AP3B1: variants seen among roughly 807,000 people sequenced by gnomAD.
The protein encoded by AP3B1 is adaptor related protein complex 3 subunit beta 1, also known as AP-3 complex subunit beta-1.
AP3B1 carries 61 observed loss-of-function variants against 132.5 expected under a neutral mutation model. The ratio of observed to expected loss-of-function variants is 0.46; its 90% CI spans 0.37 to 0.57. The LOEUF is 0.57. AP3B1 is among the 20% of genes least tolerant of loss of function. AP3B1 has a pLI of 0.00. For missense variants in AP3B1, 1,120 were observed against 1,289.4 expected (o/e 0.87, Z 2.01); for synonymous variants, 388 against 438.3 (o/e 0.89, Z 1.43).
chr5:78,188,606 G>A (rs1744699722), intron 7 of AP3B1, among the ~76,000 whole-genome samples: 1 of 152,108 alleles, frequency 6.6e-6, no homozygotes, highest in Non-Finnish European at 1.5e-5. Context: ...CGGAGAAATA[G>A]GAATGCTTTT....
At chr5:78,160,487 G>C (rs1166638458) in intron 13 of AP3B1, among the ~76,000 whole-genome samples, 2 of 152,052 alleles carry the variant, frequency 1.3e-5, no homozygotes, top group African/African-American at 2.4e-5. Context: ...CTTCAAGTCT[G>C]CTTAGAAAGG....
chr5:78,267,537 T>C lies in AP3B1; in HGVS notation c.187A>G (p.Met63Val). ...TTACCTACCCCAACAATCCGCTTCA[T>C]AGCATCCAGTTTAGCAGAATCTTTG... is the stretch of plus-strand genomic sequence containing the variant. ...SNKDSAKLDA[M>V]KRIVGMIAKG... Residue 63 changes from methionine to valine, a missense_variant, in exon 2 of 27, where the codon ATG becomes GTG. Coordinates refer to ENST00000255194, the MANE Select transcript of AP3B1 (RefSeq NM_003664.5). The C allele has an allele frequency of 1.2e-6, 2 of 1,611,388 alleles. No homozygotes were observed. The highest frequency in any genetic ancestry group is 1.7e-6 in the Non-Finnish European group (2 of 1,178,350).
intron 14 of AP3B1, among the ~76,000 whole-genome samples, chr5:78,143,029 A>T (rs1753219758): frequency 6.6e-6 from 1 of 152,172 alleles, no homozygotes; most frequent in Non-Finnish European, 1.5e-5. Flanking sequence ...CCATAATGAA[A>T]GGTAGTTCTA....
intron 1 of AP3B1, among the ~76,000 whole-genome samples, chr5:78,271,736 C>CA (rs1440557223): frequency 6.6e-6 from 1 of 152,204 alleles, no homozygotes; most frequent in East Asian, 1.9e-4. Flanking sequence ...TCCTGCCCTA[C>CA]AAACCATAAA....
At chr5:78,161,727 T>C (rs1743395602) in intron 13 of AP3B1, among the ~76,000 whole-genome samples, 1 of 152,040 alleles carries the variant, frequency 6.6e-6, no homozygotes, top group Admixed American at 6.6e-5. Context: ...TAGAAAAATC[T>C]TCAGTCATAG....
chr5:78,124,923 T>C (rs1752396594), intron 17 of AP3B1, among the ~76,000 whole-genome samples: 1 of 152,150 alleles, frequency 6.6e-6, no homozygotes, highest in Admixed American at 6.5e-5. Context: ...GACATGGCCA[T>C]GAATTCTATG....
intron 3 of AP3B1, among the ~76,000 whole-genome samples, chr5:78,237,120 T>C (rs1247535907): frequency 5.3e-5 from 8 of 152,204 alleles, no homozygotes; most frequent in Non-Finnish European, 1.2e-4. Context: ...TCCAACTTAG[T>C]CTAATTGAGT....
chr5:78,053,346 A>G (rs1249340906), intron 22 of AP3B1, among the ~76,000 whole-genome samples: 1 of 152,172 alleles, frequency 6.6e-6, no homozygotes, highest in South Asian at 2.1e-4. Flanking sequence ...ACAGCATTAT[A>G]TATTTATTGA....
At chr5:78,186,494 T>C (rs973702310) in intron 7 of AP3B1, among the ~76,000 whole-genome samples, 1 of 152,202 alleles carries the variant, frequency 6.6e-6, no homozygotes, top group African/African-American at 2.4e-5. Context: ...GAAGATTCCC[T>C]GTGATGGAAA....
intron 22 of AP3B1, among the ~76,000 whole-genome samples, chr5:78,053,307 T>C (rs1265394067): frequency 6.6e-6 from 1 of 152,178 alleles, no homozygotes; most frequent in East Asian, 1.9e-4. Flanking sequence ...ACACTGAAAA[T>C]ACTTTTAAAT....
At chr5:78,171,695 T>C (rs1426384875) in intron 11 of AP3B1, among the ~76,000 whole-genome samples, 1 of 152,220 alleles carries the variant, frequency 6.6e-6, no homozygotes, top group Non-Finnish European at 1.5e-5. Flanking sequence ...CAGGGACAAT[T>C]TGACTTCCTC....
At chr5:78,172,038 C>A (rs1441347988) in intron 11 of AP3B1, among the ~76,000 whole-genome samples, 1 of 152,142 alleles carries the variant, frequency 6.6e-6, no homozygotes, top group East Asian at 1.9e-4. Flanking sequence ...TGATAGATTA[C>A]ATTTATTGAT....
At position 78,082,128 on chromosome 5, in the gene AP3B1, G is replaced by T. The variant is rs544172270; in HGVS notation, c.2577+7265C>A. Among the ~76,000 whole-genome samples the T allele has an allele frequency of 1.3e-3, 192 of 152,216 alleles. 2 individuals are homozygous for T. The highest frequency in any genetic ancestry group is 5.8e-4 in the African/African-American group (24 of 41,532). ...TTCACTGAGTCGCTTTTCCTGCATAGTTCTAGTATCCAATTTGAGGGCGGG... is the reference window on the plus strand; with the variant it reads ...TTCACTGAGTCGCTTTTCCTGCATATTTCTAGTATCCAATTTGAGGGCGGG... On this transcript the variant is annotated intron_variant, in intron 22 of 26. Coordinates refer to ENST00000255194, the MANE Select transcript of AP3B1 (RefSeq NM_003664.5).
intron 7 of AP3B1, among the ~76,000 whole-genome samples, chr5:78,184,677 A>G (rs1214243535): frequency 6.8e-6 from 1 of 147,130 alleles, no homozygotes; most frequent in African/African-American, 2.6e-5. Context: ...ACACAGCGAG[A>G]CACTGTCTCA....
intron 17 of AP3B1, among the ~76,000 whole-genome samples, chr5:78,116,725 C>T (rs1419133367): frequency 2.6e-5 from 4 of 151,784 alleles, no homozygotes; most frequent in Non-Finnish European, 5.9e-5. Flanking sequence ...TTTCTCATAT[C>T]CTAAACATCT....
intron 22 of AP3B1, among the ~76,000 whole-genome samples, chr5:78,060,204 T>C (rs1233822975): frequency 4.6e-5 from 7 of 152,222 alleles, no homozygotes; most frequent in Non-Finnish European, 1.5e-5. Flanking sequence ...ACCGAGTCTC[T>C]GAATGAGGAC....
At chr5:78,182,538 G>C (rs1048803290) in intron 7 of AP3B1, among the ~76,000 whole-genome samples, 1 of 152,206 alleles carries the variant, frequency 6.6e-6, no homozygotes, top group Non-Finnish European at 1.5e-5. Context: ...AAGAAAGACA[G>C]ACCAGTGAGT....
At chr5:78,243,745 C>T (rs1021657718) in intron 2 of AP3B1, among the ~76,000 whole-genome samples, 4 of 152,036 alleles carry the variant, frequency 2.6e-5, no homozygotes, top group Admixed American at 2.6e-4. Context: ...ATGGTTTAGG[C>T]ATGGCATGTG....
chr5:78,118,440 C>T (rs989307978), intron 17 of AP3B1, among the ~76,000 whole-genome samples: 28 of 152,184 alleles, frequency 1.8e-4, no homozygotes, highest in African/African-American at 6.3e-4. Flanking sequence ...AAAGGGGTGA[C>T]AGACGGCACC....
Sources: allele counts gnomAD v4.1 joint callset (sites outside exome capture counted in the v4.1 genomes callset), GRCh38; gene constraint gnomAD v4.1.1; transcripts MANE v1.5; gene names NCBI Gene and HGNC (gene_info 2026-07-23, HGNC 2026-07-21).